The following DCLK1 variants were observed in gnomAD, a reference collection of about 807,000 sequenced individuals.
DCLK1 encodes the protein doublecortin like kinase 1.
Under a neutral mutation model 86.2 loss-of-function variants are expected in DCLK1, and 16 were observed. That is an observed-to-expected ratio of 0.19 (90% CI 0.13 to 0.28). The LOEUF is 0.28. Ranked by LOEUF, DCLK1 falls within the 10% of genes least tolerant of loss-of-function variation. The probability of loss-of-function intolerance (pLI) is 1.00; values close to 1 mark genes in which losing one functional copy is unlikely to be tolerated. For synonymous variants in DCLK1, 369 were observed against 370.5 expected (o/e 1.00, Z 0.05); for missense variants, 590 against 940.2 (o/e 0.63, Z 4.87).
intron 3 of DCLK1, among the ~76,000 whole-genome samples, chr13:35,958,170 A>C (rs1878192792): frequency 6.6e-6 from 1 of 151,976 alleles, no homozygotes; most frequent in African/African-American, 2.4e-5. Context: ...CATCACCACC[A>C]TCACCACTAT....
At chr13:35,925,967 T>C (rs1205097108) in intron 4 of DCLK1, among the ~76,000 whole-genome samples, 1 of 152,200 alleles carries the variant, frequency 6.6e-6, no homozygotes, top group Non-Finnish European at 1.5e-5. Flanking sequence ...TTGCAGTTTG[T>C]ATACAAAACT....
intron 4 of DCLK1, among the ~76,000 whole-genome samples, chr13:35,934,430 T>A (rs1418142491): frequency 6.6e-6 from 1 of 152,148 alleles, no homozygotes. Flanking sequence ...CAGTTCCACA[T>A]CGCTGGGGAA....
rs1252486001 is a variant in DCLK1 at position 36,007,313 on chromosome 13, G to A, written c.724-59856C>T. Among the ~76,000 whole-genome samples, 3 of 152,312 alleles carry A rather than the reference G, an allele frequency of 2.0e-5. No homozygotes were observed. In the South Asian group the frequency reaches 6.2e-4, roughly 32 times the overall value. On this transcript the variant is annotated intron_variant, in intron 3 of 16. Coordinates refer to ENST00000360631, the MANE Select transcript of DCLK1 (RefSeq NM_001330071.2). ...TAGTAGAGATTTTTAATATTTCACA[G>A]TCAGAAGCTTCAGCCAAGACATGCA... is the stretch of plus-strand genomic sequence containing the variant.
At position 35,913,184 on chromosome 13, in the gene DCLK1, G is replaced by A. The variant is rs115454075; in HGVS notation, c.823+34174C>T. On this transcript the variant is annotated intron_variant, in intron 4 of 16. Coordinates refer to ENST00000360631, the MANE Select transcript of DCLK1 (RefSeq NM_001330071.2). ...ATACAGCCACGTGACTTTGATGATCGTCTGCCCAAAGGGCCTTGTGTTAGT... is the reference window on the plus strand; with the variant it reads ...ATACAGCCACGTGACTTTGATGATCATCTGCCCAAAGGGCCTTGTGTTAGT... 4.5e-3 allele frequency among the ~76,000 whole-genome samples: 679 copies of A among 152,284 alleles called. 6 individuals are homozygous for A. Among genetic ancestry groups the A allele is most frequent in the African/African-American group, 0.015 (643 of 41,556 alleles).
chr13:35,856,327 G>T (rs1871055033), intron 5 of DCLK1, among the ~76,000 whole-genome samples: 1 of 152,190 alleles, frequency 6.6e-6, no homozygotes, highest in Non-Finnish European at 1.5e-5. Flanking sequence ...AAGGGGCTCA[G>T]AAATAGAAAA....
At chr13:35,868,813 A>T (rs1199225625) in intron 5 of DCLK1, among the ~76,000 whole-genome samples, 1 of 152,034 alleles carries the variant, frequency 6.6e-6, no homozygotes, top group African/African-American at 2.4e-5. Context: ...GTTTTGAGAC[A>T]GTGTCTTGCT....
At chr13:36,118,400 C>T (rs1473508118) in intron 2 of DCLK1, among the ~76,000 whole-genome samples, 3 of 152,004 alleles carry the variant, frequency 2.0e-5, no homozygotes, top group Middle Eastern at 3.2e-3. Context: ...ATGTGGGTTC[C>T]GAGGGAATAT....
intron 3 of DCLK1, among the ~76,000 whole-genome samples, chr13:36,093,858 C>T (rs1884916278): frequency 6.6e-6 from 1 of 152,134 alleles, no homozygotes. Flanking sequence ...CCCAATCAAC[C>T]TGTCTTACAT....
At chr13:36,046,516 G>T (rs1882920501) in intron 3 of DCLK1, among the ~76,000 whole-genome samples, 1 of 152,202 alleles carries the variant, frequency 6.6e-6, no homozygotes, top group Non-Finnish European at 1.5e-5. Flanking sequence ...TTAACCCTTT[G>T]CTCTGAAATC....
intron 3 of DCLK1, among the ~76,000 whole-genome samples, chr13:35,983,266 C>T (rs1025513098): frequency 2.0e-5 from 3 of 152,188 alleles, no homozygotes; most frequent in African/African-American, 4.8e-5. Flanking sequence ...GCTGGGATTA[C>T]AGGCATGAGC....
At chr13:35,864,796 G>T (rs535746219) in intron 5 of DCLK1, among the ~76,000 whole-genome samples, 1 of 151,876 alleles carries the variant, frequency 6.6e-6, no homozygotes, top group Non-Finnish European at 1.5e-5. Context: ...GGGACCACAG[G>T]TGTGCACCAT....
At chr13:36,069,303 G>C (rs1479518645) in intron 3 of DCLK1, among the ~76,000 whole-genome samples, 1 of 152,102 alleles carries the variant, frequency 6.6e-6, no homozygotes, top group African/African-American at 2.4e-5. Context: ...GAATCCAAGC[G>C]ATATTAAATT....
chr13:35,814,497 G>C (rs1422929901), intron 11 of DCLK1, among the ~76,000 whole-genome samples: 1 of 152,226 alleles, frequency 6.6e-6, no homozygotes, highest in African/African-American at 2.4e-5. Flanking sequence ...GGCATGAGCA[G>C]GCTGCAAGCG....
intron 3 of DCLK1, among the ~76,000 whole-genome samples, chr13:36,001,440 T>C (rs1490039355): frequency 2.0e-5 from 3 of 152,158 alleles, no homozygotes; most frequent in Non-Finnish European, 4.4e-5. Flanking sequence ...TGCAGGTCAT[T>C]TCACTCTCCT....
At chr13:36,070,645 T>C (rs1165882198) in intron 3 of DCLK1, among the ~76,000 whole-genome samples, 3 of 18,604 alleles carry the variant, frequency 1.6e-4, no homozygotes, top group African/African-American at 6.2e-4. Context: ...TTTAACTTAA[T>C]TTTTTTTCTT....
In DCLK1 at chr13:35,964,383, T is replaced by C. The variant is rs543767791; in HGVS notation, c.724-16926A>G. Among the ~76,000 whole-genome samples, 9 of 152,312 alleles carry C rather than the reference T, an allele frequency of 5.9e-5. No individual in the cohort carries two copies. In the South Asian group the frequency reaches 6.2e-4, roughly 11 times the overall value. ...CAGGAGCATTTTGTAAAAGAGGAAA[T>C]GAACATGCAAATTGCATGAATGCAG... is the stretch of plus-strand genomic sequence containing the variant. On this transcript the variant is annotated intron_variant, in intron 3 of 16. Coordinates refer to ENST00000360631, the MANE Select transcript of DCLK1 (RefSeq NM_001330071.2).
chr13:35,788,018 C>T, intron 16 of DCLK1: 2 of 601,120 alleles, frequency 3.3e-6, no homozygotes, highest in Non-Finnish European at 5.9e-6. Flanking sequence ...TGGCAAATGT[C>T]AGTGTGAATA....
At chr13:35,795,544 A>G (rs954798757) in intron 15 of DCLK1, among the ~76,000 whole-genome samples, 1 of 152,234 alleles carries the variant, frequency 6.6e-6, no homozygotes, top group African/African-American at 2.4e-5. Context: ...TCAGATGATA[A>G]TTACAAAGAA....
intron 16 of DCLK1, among the ~76,000 whole-genome samples, chr13:35,789,740 C>T (rs2086679576): frequency 6.6e-6 from 1 of 152,196 alleles, no homozygotes; most frequent in Non-Finnish European, 1.5e-5. Flanking sequence ...TCTTAGTCAT[C>T]GGTTCTTCAT....
Sources: gnomAD v4.1 joint callset for allele counts (sites outside exome capture counted in the v4.1 genomes callset) on GRCh38, gnomAD v4.1.1 for gene constraint, MANE v1.5 for transcripts, NCBI Gene and HGNC (gene_info 2026-07-23, HGNC 2026-07-21) for gene names.